The following PCDHA2 variants were observed in gnomAD, a reference collection of about 807,000 sequenced individuals.
The protein encoded by PCDHA2 is protocadherin alpha-2.
In PCDHA2, 58 loss-of-function variants were observed where a neutral mutation model predicts 66.0. The observed-to-expected ratio is 0.88, with a 90% CI of 0.71 to 1.09. The LOEUF is 1.09. PCDHA2 is among the 50% of genes least tolerant of loss of function. PCDHA2 has a pLI of 0.00. For missense variants in PCDHA2, 1,267 were observed against 1,242.3 expected (o/e 1.02, Z -0.30); for synonymous variants, 634 against 554.0 (o/e 1.14, Z -2.03).
At chr5:140,864,302 C>T (rs550549818) in intron 1 of PCDHA2, 1 of 152,214 alleles carries the variant, frequency 6.6e-6, no homozygotes, top group Non-Finnish European at 1.5e-5. Context: ...TTCAAAAATA[C>T]CATGACAATA....
chr5:140,851,268 G>T lies in PCDHA2; in HGVS notation c.2388+53916G>T, dbSNP rs2042007881. ...TGATGCATAGTATTTTAGTCTACTT[G>T]TATTGTTTATAAGAAACCCAAGCAA... On this transcript the variant is annotated intron_variant, in intron 1 of 3. Transcript: ENST00000526136. 2.8e-6 allele frequency: 3 copies of T among 1,069,204 alleles called. No homozygotes were observed. In the East Asian group the frequency reaches 1.3e-4, roughly 48 times the overall value. 66.2% of individuals were successfully genotyped at this position (1,069,204 alleles called of 1,614,324 possible).
At chr5:140,926,772 G>A in intron 1 of PCDHA2, 1 of 1,380,738 alleles carries the variant, frequency 7.2e-7, no homozygotes, top group Non-Finnish European at 9.4e-7. Context: ...CCAGCCCGCA[G>A]CAGTGACGGC....
At chr5:140,926,947 G>C in intron 1 of PCDHA2, 1 of 1,590,600 alleles carries the variant, frequency 6.3e-7, no homozygotes, top group Non-Finnish European at 8.6e-7. Context: ...CGGCGCTGCA[G>C]CGGGACAGCT....
At chr5:140,927,590 T>C (rs782100491) in intron 1 of PCDHA2, 21 of 1,614,058 alleles carry the variant, frequency 1.3e-5, no homozygotes, top group Non-Finnish European at 1.4e-5. Flanking sequence ...GCGCCTGTAT[T>C]TGAGCGCTCC....
At chr5:140,917,374 C>T (rs1378508006) in intron 1 of PCDHA2, among the ~76,000 whole-genome samples, 1 of 151,778 alleles carries the variant, frequency 6.6e-6, no homozygotes, top group East Asian at 1.9e-4. Flanking sequence ...CTTGCTCCAC[C>T]TCAATAGTCT....
chr5:140,941,202 C>CCTTCCTTTCTTTCTTTCTTT lies in PCDHA2; in HGVS notation c.2389-37744_2389-37743insCCTTTCTTTCTTTCTTTCTT, dbSNP rs1554213920. 2.0e-4 allele frequency among the ~76,000 whole-genome samples: 24 copies of CCTTCCTTTCTTTCTTTCTTT among 122,828 alleles called. 1 individual carries two copies. Among genetic ancestry groups the CCTTCCTTTCTTTCTTTCTTT allele is most frequent in the Non-Finnish European group, 2.3e-4 (13 of 55,838 alleles). The allele number at this position is 122,828 out of a possible 152,430, so 80.6% of individuals were successfully genotyped here. A position where few individuals can be genotyped will look rare whatever the true frequency, so the allele number is the denominator to read the frequency against. ...TCCTGCTTCTTTTTTTTTCTTTCTTCCTTTCTTTCTTCCTTTCTTTCTTTC... is the reference window on the plus strand; with the variant it reads ...TCCTGCTTCTTTTTTTTTCTTTCTTCCTTCCTTTCTTTCTTTCTTTCTTTCTTTCTTCCTTTCTTTCTTTC... On this transcript the variant is annotated intron_variant, in intron 1 of 3. Coordinates refer to ENST00000526136, the MANE Select transcript of PCDHA2 (RefSeq NM_018905.3).
In PCDHA2 at chr5:140,795,555, G is replaced by C. The variant is rs1278109888; in HGVS notation, c.591G>C (p.Gly197=). 6.2e-7 allele frequency: 1 copy of C among 1,614,062 alleles called. No individual in the cohort carries two copies. Among genetic ancestry groups the C allele is most frequent in the Non-Finnish European group, 8.5e-7 (1 of 1,180,034 alleles). The change falls in exon 1 of 4, where the codon GGG becomes GGC. Residue 197 remains glycine, a synonymous_variant. Transcript: ENST00000526136. ...ELSESLSLVL[G]KSLDREETAE... ...GCGAATCTTTGTCTCTCGTGCTGGG[G>C]AAATCGCTGGACAGAGAGGAAACTG...
rs1554125205 is a variant in PCDHA2, at chr5:140,809,420, G to T, written c.2388+12068G>T. On this transcript the variant is annotated intron_variant, in intron 1 of 3. Transcript: ENST00000526136. ...GCCCACGCTGGTGTGCTCCAGTGCG[G>T]TGGGGAGCTGGTCATACTCGCAGCA... 3.0e-5 allele frequency: 48 copies of T among 1,614,112 alleles called. No homozygotes were observed. In the East Asian group the frequency reaches 1.0e-3, roughly 35 times the overall value.
At chr5:140,867,423 A>G (rs1399312852) in intron 1 of PCDHA2, 14 of 152,182 alleles carry the variant, frequency 9.2e-5, no homozygotes, top group African/African-American at 3.4e-4. Flanking sequence ...TTTTTAATAC[A>G]GAATTTTGCA....
At position 140,928,712 on chromosome 5, in the gene PCDHA2, G is replaced by A; in HGVS notation, c.2389-50237G>A. 3.1e-6 allele frequency: 5 copies of A among 1,614,168 alleles called. No homozygotes were observed. The highest frequency in any genetic ancestry group is 4.2e-6 in the Non-Finnish European group (5 of 1,180,042). Reference sequence around the variant, plus strand: ...CACATCTCCCGGGCGTCTGACTCTAGTCTCTTTAGAATTTCAGCCAATATA... The same window carrying A: ...CACATCTCCCGGGCGTCTGACTCTAATCTCTTTAGAATTTCAGCCAATATA... On this transcript the variant is annotated intron_variant, in intron 1 of 3. Coordinates refer to ENST00000526136, the MANE Select transcript of PCDHA2 (RefSeq NM_018905.3).
intron 1 of PCDHA2, among the ~76,000 whole-genome samples, chr5:140,932,550 A>T (rs552367725): frequency 2.6e-5 from 4 of 152,058 alleles, no homozygotes; most frequent in Admixed American, 2.0e-4. Context: ...TTTAACATAC[A>T]TTCCACAAGT....
intron 1 of PCDHA2, chr5:140,803,562 C>G (rs782224885): frequency 1.2e-6 from 2 of 1,614,226 alleles, no homozygotes; most frequent in Non-Finnish European, 1.7e-6. Flanking sequence ...AGAGGAGAAA[C>G]AGGATGTGGA....
intron 1 of PCDHA2, chr5:140,807,860 ACCG>A: frequency 6.2e-7 from 1 of 1,614,160 alleles, no homozygotes. Flanking sequence ...GTTGACTGGC[ACCG>A]TTCAGTTACT....
chr5:140,895,647 C>T (rs954657912), intron 1 of PCDHA2, among the ~76,000 whole-genome samples: 1 of 151,996 alleles, frequency 6.6e-6, no homozygotes, highest in African/African-American at 2.4e-5. Context: ...TTTTTAGCTC[C>T]CACTTATAAG....
chr5:140,987,363 T>C (rs1269772618), intron 3 of PCDHA2, among the ~76,000 whole-genome samples: 1 of 152,218 alleles, frequency 6.6e-6, no homozygotes, highest in Non-Finnish European at 1.5e-5. Flanking sequence ...GGTTGTCTTA[T>C]ATCATTACAG....
chr5:140,850,081 A>G, intron 1 of PCDHA2: 1 of 1,596,386 alleles, frequency 6.3e-7, no homozygotes, highest in South Asian at 1.1e-5. Context: ...GAGGAGCTGG[A>G]GCTGCTACAG....
rs565233003 is a variant in PCDHA2 at position 140,851,830 on chromosome 5, T to C, written c.2388+54478T>C. 1.2e-5 allele frequency: 12 copies of C among 967,780 alleles called. No homozygotes were observed. In the African/African-American group the frequency reaches 2.1e-4, roughly 17 times the overall value. The allele number at this position is 967,780 out of a possible 1,614,324, so 59.9% of individuals were successfully genotyped here. On this transcript the variant is annotated intron_variant, in intron 1 of 3. Coordinates refer to ENST00000526136, the MANE Select transcript of PCDHA2 (RefSeq NM_018905.3). ...TCCATAAGACAGAAATCTGTTTTTT[T>C]AAAAATATCTTTTTCTCCTCTCAGC...
intron 1 of PCDHA2, among the ~76,000 whole-genome samples, chr5:140,914,284 G>T (rs781914384): frequency 9.9e-5 from 15 of 152,022 alleles, no homozygotes; most frequent in Non-Finnish European, 2.1e-4. Flanking sequence ...ATTTATAATT[G>T]TTATATCCTC....
At chr5:140,809,703 A>G (rs775895532) in intron 1 of PCDHA2, 2 of 1,131,154 alleles carry the variant, frequency 1.8e-6, no homozygotes, top group African/African-American at 1.6e-5. Context: ...CATTTTAACT[A>G]AAGTCTTTTG....
Sources: allele counts gnomAD v4.1 joint callset (sites outside exome capture counted in the v4.1 genomes callset), GRCh38; gene constraint gnomAD v4.1.1; transcripts MANE v1.5; gene names NCBI Gene and HGNC (gene_info 2026-07-23, HGNC 2026-07-21).